The following KAT2B variants were observed in gnomAD, a reference collection of about 807,000 sequenced individuals.
KAT2B encodes histone acetyltransferase KAT2B.
KAT2B carries 36 observed loss-of-function variants against 105.9 expected under a neutral mutation model. The ratio of observed to expected loss-of-function variants is 0.34; its 90% confidence interval spans 0.26 to 0.45. KAT2B has a LOEUF of 0.45. KAT2B is among the 20% of genes least tolerant of loss of function. The probability of loss-of-function intolerance (pLI) is 1.00; values close to 1 mark genes in which losing one functional copy is unlikely to be tolerated. For missense variants in KAT2B, 820 were observed against 1,021.6 expected (o/e 0.80, Z 2.69); for synonymous variants, 397 against 377.9 (o/e 1.05, Z -0.59).
intron 3 of KAT2B, among the ~76,000 whole-genome samples, chr3:20,098,447 A>G (rs1349697718): frequency 1.3e-5 from 2 of 152,210 alleles, no homozygotes; most frequent in African/African-American, 2.4e-5. Flanking sequence ...TGTAAGTATT[A>G]AATGAGATAA....
chr3:20,066,065 TGGGCCA>T (rs1698218435), intron 1 of KAT2B, among the ~76,000 whole-genome samples: 1 of 152,172 alleles, frequency 6.6e-6, no homozygotes, highest in Non-Finnish European at 1.5e-5. Context: ...AGATGTCATC[TGGGCCA>T]CACTCCTTTT....
intron 5 of KAT2B, among the ~76,000 whole-genome samples, chr3:20,106,836 T>C (rs1699014505): frequency 1.3e-5 from 2 of 150,694 alleles, no homozygotes; most frequent in South Asian, 4.2e-4. Flanking sequence ...GTTTAGACTC[T>C]AAATCAGCAC....
chr3:20,071,013 A>AC (rs1174455971), intron 1 of KAT2B, among the ~76,000 whole-genome samples: 7 of 132,264 alleles, frequency 5.3e-5, no homozygotes, highest in Non-Finnish European at 3.2e-5. Flanking sequence ...TGTATATAAA[A>AC]AAAAAAAAAC....
At chr3:20,047,527 T>C (rs557766498) in intron 1 of KAT2B, among the ~76,000 whole-genome samples, 2 of 152,124 alleles carry the variant, frequency 1.3e-5, no homozygotes, top group Non-Finnish European at 2.9e-5. Context: ...TGAGTTAATG[T>C]ATGCAGTTGT....
chr3:20,088,546 T>C (rs546932707), intron 2 of KAT2B, among the ~76,000 whole-genome samples: 4 of 152,360 alleles, frequency 2.6e-5, no homozygotes, highest in African/African-American at 7.2e-5. Context: ...TTGTATGTCT[T>C]CTTTTGAGAA....
intron 5 of KAT2B, among the ~76,000 whole-genome samples, chr3:20,108,753 G>T (rs950740516): frequency 6.6e-6 from 1 of 152,202 alleles, no homozygotes; most frequent in Admixed American, 6.5e-5. Flanking sequence ...TGAGTGGTGG[G>T]CGAGTGAGCA....
intron 2 of KAT2B, among the ~76,000 whole-genome samples, chr3:20,075,438 C>G (rs920253863): frequency 6.6e-6 from 1 of 151,918 alleles, no homozygotes; most frequent in South Asian, 2.1e-4. Flanking sequence ...CTGACATGAC[C>G]TACTTGGAGA....
intron 2 of KAT2B, among the ~76,000 whole-genome samples, chr3:20,081,823 C>G (rs1698524051): frequency 6.7e-6 from 1 of 148,588 alleles, no homozygotes; most frequent in Non-Finnish European, 1.5e-5. Context: ...TCCCATAAAT[C>G]CTTTCCCTAG....
chr3:20,040,729 C>T lies in KAT2B; in HGVS notation c.252C>T (p.Ser84=), dbSNP rs1431678298. 1 of 1,596,796 alleles carries T rather than the reference C, an allele frequency of 6.3e-7. No individual in the cohort carries two copies. The highest frequency in any genetic ancestry group is 2.3e-5 in the East Asian group (1 of 42,558). The change falls in exon 1 of 18, where the codon TCC becomes TCT. Residue 84 remains serine, a synonymous_variant. Coordinates refer to ENST00000263754, the MANE Select transcript of KAT2B (RefSeq NM_003884.5). ...CCGTGAAGAAAGCGCAACTACGCTC[C>T]GCTCCGCGGGCCAAGAAACTGGAGA... is the stretch of plus-strand genomic sequence containing the variant. ...RIAVKKAQLR[S]APRAKKLEKL... is the part of the protein sequence containing the mutation.
chr3:20,150,201 A>T (rs1699848957), intron 17 of KAT2B, among the ~76,000 whole-genome samples: 1 of 152,170 alleles, frequency 6.6e-6, no homozygotes, highest in Non-Finnish European at 1.5e-5. Flanking sequence ...AAAGCTATAA[A>T]TGGTGTTCTT....
Position 20,095,459 on chromosome 3 carries a change from C to T in KAT2B, c.576+51C>T, listed in dbSNP as rs372430785. On this transcript the variant is annotated intron_variant, in intron 3 of 17. Coordinates refer to ENST00000263754, the MANE Select transcript of KAT2B (RefSeq NM_003884.5). ...TTTTCTCTCATTATTCAAATGTACC[C>T]AGTCTCCATATGCCAGGTCGTGGCT... 25 of 1,324,284 alleles carry T rather than the reference C, an allele frequency of 1.9e-5. 1 individual carries two copies. Among genetic ancestry groups the T allele is most frequent in the Non-Finnish European group, 2.6e-5 (24 of 940,768 alleles). The allele number at this position is 1,324,284 out of a possible 1,614,324, so 82.0% of individuals were successfully genotyped here. A position where few individuals can be genotyped will look rare whatever the true frequency, so the allele number is the denominator to read the frequency against.
At chr3:20,132,100 C>T (rs1048820045) in intron 11 of KAT2B, among the ~76,000 whole-genome samples, 24 of 152,156 alleles carry the variant, frequency 1.6e-4, no homozygotes, top group African/African-American at 5.8e-4. Flanking sequence ...TTGGGCCAGG[C>T]GTGGTGGCTC....
At chr3:20,134,320 C>A (rs560072956) in intron 11 of KAT2B, among the ~76,000 whole-genome samples, 28 of 152,314 alleles carry the variant, frequency 1.8e-4, no homozygotes, top group Non-Finnish European at 3.4e-4. Context: ...CTAGCTTAAA[C>A]ATTTCCTTTT....
intron 2 of KAT2B, among the ~76,000 whole-genome samples, chr3:20,087,138 T>C (rs570128576): frequency 6.1e-4 from 93 of 152,328 alleles, no homozygotes; most frequent in African/African-American, 2.1e-3. Flanking sequence ...TCTAGTGTTC[T>C]ATGCCACTGT....
chr3:20,149,610 C>T (rs1699837846), intron 17 of KAT2B, among the ~76,000 whole-genome samples: 2 of 150,632 alleles, frequency 1.3e-5, no homozygotes, highest in Non-Finnish European at 2.9e-5. Context: ...TTTTCTATAG[C>T]ATTTAAATGT....
At chr3:20,131,894 A>G (rs1463990152) in intron 11 of KAT2B, among the ~76,000 whole-genome samples, 1 of 152,226 alleles carries the variant, frequency 6.6e-6, no homozygotes, top group Non-Finnish European at 1.5e-5. Context: ...TTTATTTACT[A>G]TATTAAAAAT....
At chr3:20,115,493 A>G (rs1212937194) in intron 7 of KAT2B, among the ~76,000 whole-genome samples, 1 of 152,246 alleles carries the variant, frequency 6.6e-6, no homozygotes, top group African/African-American at 2.4e-5. Flanking sequence ...GGGGAAAGAC[A>G]GGATGCAAAA....
In KAT2B at chr3:20,152,604, T is replaced by C; in HGVS notation, c.*79T>C. 8.8e-7 allele frequency: 1 copy of C among 1,140,396 alleles called. No homozygotes were observed. The allele number at this position is 1,140,396 out of a possible 1,614,324, so 70.6% of individuals were successfully genotyped here. On this transcript the variant is annotated 3_prime_UTR_variant, in exon 18 of 18. Transcript: ENST00000263754. Reference sequence around the variant, plus strand: ...GGTGGTTTAGTTTTTTACAAAGAATTGGACATGATGTATTGAAGAGACTTG... The same window carrying C: ...GGTGGTTTAGTTTTTTACAAAGAATCGGACATGATGTATTGAAGAGACTTG...
chr3:20,148,377 A>C (rs1490127486), intron 16 of KAT2B, 26 bp from the exon 17 acceptor site: 1 of 1,609,774 alleles, frequency 6.2e-7, no homozygotes, highest in Non-Finnish European at 8.5e-7. Context: ...TCCATATTAG[A>C]TACCTTACTT....
Sources: gnomAD v4.1 joint callset for allele counts (sites outside exome capture counted in the v4.1 genomes callset) on GRCh38, gnomAD v4.1.1 for gene constraint, MANE v1.5 for transcripts, NCBI Gene and HGNC (gene_info 2026-07-23, HGNC 2026-07-21) for gene names.